MSR1: variants seen among roughly 807,000 people sequenced by gnomAD.
The protein encoded by MSR1 is macrophage scavenger receptor 1, also known as macrophage scavenger receptor types I and II.
In MSR1, 53 loss-of-function variants were observed where a neutral mutation model predicts 47.2. The ratio of observed to expected loss-of-function variants is 1.12; its 90% CI spans 0.90 to 1.41. MSR1 has a LOEUF of 1.41. MSR1 is among the 40% of genes most tolerant of loss of function. The probability of loss-of-function intolerance (pLI) is 0.00; values close to 1 mark genes in which losing one functional copy is unlikely to be tolerated. For missense variants in MSR1, 786 were observed against 546.9 expected, an observed-to-expected ratio of 1.44 and a Z score of -4.36; for synonymous variants, 239 against 185.6, an observed-to-expected ratio of 1.29 and a Z score of -2.34.
intron 7 of MSR1, among the ~76,000 whole-genome samples, chr8:16,146,807 G>A (rs942008590): frequency 6.6e-6 from 1 of 151,894 alleles, no homozygotes. Context: ...AAAATCAGTG[G>A]TTCTGAATAA....
chr8:16,163,968 T>C, intron 5 of MSR1, 97 bp downstream of exon 5: 1 of 991,920 alleles, frequency 1.0e-6, no homozygotes, highest in East Asian at 2.7e-5. Context: ...AGAAACTATT[T>C]ATTTCAAACC....
Position 16,140,810 on chromosome 8 carries a change from G to A in MSR1, c.1033+2748C>T. On this transcript the variant is annotated intron_variant, in intron 8 of 9. Transcript: ENST00000262101. The stretch of plus-strand genomic sequence containing the variant: ...GGAGTAAGAAGAGGTATGAGCATGG[G>A]AGCAGAGGCCCAAACAGCACCAGGG... The A allele has an allele frequency of 3.9e-6, 6 of 1,524,028 alleles. No individual in the cohort carries two copies. In the South Asian group the frequency reaches 7.9e-5, roughly 20 times the overall value. The allele number at this position is 1,524,028 out of a possible 1,614,324, so 94.4% of individuals were successfully genotyped here.
chr8:16,189,505 AT>A lies in MSR1; in HGVS notation c.-5+3092del, dbSNP rs1171281397. ...ATATATAAAATCTTATTTTATATAT[AT>A]TTTTATATATAAAAAATCATATTTT... On this transcript the variant is annotated intron_variant, in intron 1 of 9. Coordinates refer to ENST00000262101, the MANE Select transcript of MSR1 (RefSeq NM_138715.3). Among the ~76,000 whole-genome samples the A allele has an allele frequency of 6.0e-5, 5 of 83,822 alleles. 1 individual carries two copies. The South Asian group carries it at 1.0e-3, about 17-fold the overall frequency. 55.0% of individuals were successfully genotyped at this position (83,822 alleles called of 152,430 possible).
chr8:16,191,658 G>A (rs560148954), intron 1 of MSR1, among the ~76,000 whole-genome samples: 1 of 152,012 alleles, frequency 6.6e-6, no homozygotes, highest in East Asian at 1.9e-4. Flanking sequence ...AGGGAGCAGG[G>A]GAGCTGGAAT....
At chr8:16,185,773 A>G (rs2117233784) in intron 1 of MSR1, among the ~76,000 whole-genome samples, 1 of 152,136 alleles carries the variant, frequency 6.6e-6, no homozygotes, top group Admixed American at 6.6e-5. Context: ...ACAAATTAAT[A>G]GCATCTAAAA....
chr8:16,120,734 C>T, intron 8 of MSR1, 128 bp from the exon 9 acceptor site: 1 of 1,135,106 alleles, frequency 8.8e-7, no homozygotes, highest in African/African-American at 1.6e-5. Context: ...ATAACTTCAA[C>T]TATTGGAATA....
At chr8:16,170,924 C>A (rs560206250) in intron 3 of MSR1, among the ~76,000 whole-genome samples, 1 of 152,256 alleles carries the variant, frequency 6.6e-6, no homozygotes, top group African/African-American at 2.4e-5. Context: ...CTCTAAAGTG[C>A]CTTGTACATG....
chr8:16,139,804 T>A (rs1434973660), intron 8 of MSR1: 5 of 81,302 alleles, frequency 6.1e-5, no homozygotes, highest in Non-Finnish European at 8.7e-5. Flanking sequence ...TATATATATA[T>A]ATATATATAT....
At chr8:16,133,861 T>A (rs918643570) in intron 8 of MSR1, among the ~76,000 whole-genome samples, 1 of 152,166 alleles carries the variant, frequency 6.6e-6, no homozygotes, top group Non-Finnish European at 1.5e-5. Context: ...TTGGCACCCA[T>A]CTAGAAAAAA....
chr8:16,186,974 C>A (rs1409798566), intron 1 of MSR1, among the ~76,000 whole-genome samples: 2 of 151,956 alleles, frequency 1.3e-5, no homozygotes, highest in Non-Finnish European at 1.5e-5. Context: ...AATTAATTCT[C>A]CACACACTTC....
In MSR1 at chr8:16,168,813, T is replaced by C. The variant is rs200903003; in HGVS notation, c.275A>G (p.Asp92Gly). Residue 92 changes from aspartate to glycine, a missense_variant, in exon 4 of 10, where the codon GAT becomes GGT. By Grantham distance (94) the Asp-to-Gly change is moderately conservative (BLOSUM62 -1). Transcript: ENST00000262101. ...NCSVSSTNAN[D>G]ITQSLTGKGN... ...TTTTCCCGTGAGACTTTGAGTTATA[T>C]CATTTGCATTAGTTGAACTAACTGA... 17 of 1,614,042 alleles carry C rather than the reference T, an allele frequency of 1.1e-5. No individual in the cohort carries two copies. In the East Asian group the frequency reaches 3.1e-4, roughly 30 times the overall value.
chr8:16,139,515 G>T, intron 8 of MSR1: 1 of 984,446 alleles, frequency 1.0e-6, no homozygotes, highest in South Asian at 4.7e-5. Context: ...GGGTCTGTGT[G>T]TTAAAACGTA....
rs1799942952 is a variant in MSR1, at chr8:16,119,230, G to C, written c.1222+1188C>G. 2.0e-5 allele frequency among the ~76,000 whole-genome samples: 3 copies of C among 151,974 alleles called. 1 individual carries two copies. Among genetic ancestry groups the C allele is most frequent in the Non-Finnish European group, 2.9e-5 (2 of 67,964 alleles). ...TAAATCCATCTCTTAAACCTAATATGATAATTATTATCATTATTTTTTTAG... is the reference window on the plus strand; with the variant it reads ...TAAATCCATCTCTTAAACCTAATATCATAATTATTATCATTATTTTTTTAG... On this transcript the variant is annotated intron_variant, in intron 9 of 9. Transcript: ENST00000262101.
At chr8:16,123,934 G>C (rs12114969) in intron 8 of MSR1, among the ~76,000 whole-genome samples, 5,727 of 152,078 alleles carry the variant, frequency 0.038, 212 homozygotes, top group East Asian at 0.14. Flanking sequence ...TTTGTTGCAA[G>C]CTAGATATCT....
At chr8:16,114,398 G>A (rs531823458) in intron 9 of MSR1, among the ~76,000 whole-genome samples, 1 of 152,176 alleles carries the variant, frequency 6.6e-6, no homozygotes, top group South Asian at 2.1e-4. Flanking sequence ...AAACTCAGGA[G>A]AAGAAGCAAT....
chr8:16,118,134 C>T (rs1799919579), intron 9 of MSR1, among the ~76,000 whole-genome samples: 1 of 152,020 alleles, frequency 6.6e-6, no homozygotes, highest in South Asian at 2.1e-4. Context: ...TTTTTTTATA[C>T]TGAGCTTGTC....
At chr8:16,139,536 G>C in intron 8 of MSR1, 1 of 984,302 alleles carries the variant, frequency 1.0e-6, no homozygotes, top group Non-Finnish European at 1.2e-6. Context: ...AAGGAAAGAA[G>C]AGTTGTGAAA....
chr8:16,167,825 C>G (rs772945801), intron 4 of MSR1, among the ~76,000 whole-genome samples: 1 of 152,126 alleles, frequency 6.6e-6, no homozygotes, highest in Non-Finnish European at 1.5e-5. Context: ...TCTTTGTACA[C>G]TTTCTCTAAT....
chr8:16,122,000 A>G (rs1382851903), intron 8 of MSR1, among the ~76,000 whole-genome samples: 1 of 152,012 alleles, frequency 6.6e-6, no homozygotes, highest in African/African-American at 2.4e-5. Context: ...ATTACTGACA[A>G]TTTCCTGTAA....
Sources: allele counts gnomAD v4.1 joint callset (sites outside exome capture counted in the v4.1 genomes callset), GRCh38; gene constraint gnomAD v4.1.1; transcripts MANE v1.5; gene names NCBI Gene and HGNC (gene_info 2026-07-23, HGNC 2026-07-21).